Variants in GRIA2 observed in about 807,000 individuals in gnomAD.
The protein encoded by GRIA2 is glutamate ionotropic receptor AMPA type subunit 2.
GRIA2 carries 14 observed loss-of-function variants against 97.3 expected under a neutral mutation model. That is an observed-to-expected ratio of 0.14 (90% confidence interval 0.10 to 0.23). The LOEUF is 0.23. GRIA2 is among the 10% of genes least tolerant of loss of function. GRIA2 has a pLI of 1.00. For missense variants in GRIA2, 558 were observed against 1,069.8 expected, an observed-to-expected ratio of 0.52 and a Z score of 6.67; for synonymous variants, 412 against 387.8, an observed-to-expected ratio of 1.06 and a Z score of -0.73.
intron 2 of GRIA2, among the ~76,000 whole-genome samples, chr4:157,266,203 A>G (rs1483314678): frequency 6.6e-6 from 1 of 152,138 alleles, no homozygotes; most frequent in Non-Finnish European, 1.5e-5. Flanking sequence ...AGTTGTCTAG[A>G]AGGCAATCAA....
intron 11 of GRIA2, among the ~76,000 whole-genome samples, chr4:157,339,611 C>G (rs922998466): frequency 6.6e-6 from 1 of 151,820 alleles, no homozygotes; most frequent in African/African-American, 2.4e-5. Context: ...TCTAACTTTC[C>G]TTAATTTTTA....
At chr4:157,354,338 C>T (rs1322999263) in intron 12 of GRIA2, among the ~76,000 whole-genome samples, 1 of 152,116 alleles carries the variant, frequency 6.6e-6, no homozygotes, top group African/African-American at 2.4e-5. Context: ...ATTGGTACAA[C>T]ACAACTTTAT....
At chr4:157,300,410 C>CT (rs1270712103) in intron 2 of GRIA2, among the ~76,000 whole-genome samples, 4 of 151,942 alleles carry the variant, frequency 2.6e-5, no homozygotes, top group Admixed American at 6.6e-5. Flanking sequence ...AGCAAAGTAC[C>CT]TTAGTTTAGG....
intron 2 of GRIA2, among the ~76,000 whole-genome samples, chr4:157,262,489 A>T (rs1299679751): frequency 1.3e-5 from 2 of 151,898 alleles, no homozygotes; most frequent in Non-Finnish European, 2.9e-5. Context: ...CCAGTTATGA[A>T]CTCCCAACAA....
chr4:157,294,404 G>A (rs1286615670), intron 2 of GRIA2, among the ~76,000 whole-genome samples: 3 of 151,302 alleles, frequency 2.0e-5, no homozygotes, highest in African/African-American at 4.9e-5. Flanking sequence ...GAGATTGCAG[G>A]TTTTTTAGGC....
At chr4:157,320,631 T>A (rs1734518638) in intron 5 of GRIA2, among the ~76,000 whole-genome samples, 2 of 152,040 alleles carry the variant, frequency 1.3e-5, no homozygotes, top group African/African-American at 4.8e-5. Flanking sequence ...AAGAAAAGAT[T>A]CTCCTAAGTT....
intron 12 of GRIA2, among the ~76,000 whole-genome samples, chr4:157,359,682 C>T (rs940098388): frequency 2.6e-5 from 4 of 151,968 alleles, no homozygotes; most frequent in Non-Finnish European, 4.4e-5. Flanking sequence ...CATAGTAAAT[C>T]GATGTTTCAG....
intron 6 of GRIA2, among the ~76,000 whole-genome samples, 168 bp downstream of exon 6, chr4:157,321,767 TAAAGCTATTAG>T (rs1734581639): frequency 6.6e-6 from 1 of 152,214 alleles, no homozygotes; most frequent in African/African-American, 2.4e-5. Context: ...ATGGTTTAAG[TAAAGCTATTAG>T]AGCTTTACTG....
Position 157,363,542 on chromosome 4 carries a change from T to A in GRIA2, c.*111T>A. 1 of 1,237,180 alleles carries A rather than the reference T, an allele frequency of 8.1e-7. No homozygotes were observed. Among genetic ancestry groups the A allele is most frequent in the Non-Finnish European group, 1.0e-6 (1 of 989,500 alleles). 76.6% of individuals were successfully genotyped at this position (1,237,180 alleles called of 1,614,324 possible). Reference sequence around the variant, plus strand: ...CAGAATTTCCCAAAGCAGTGCATGCTGTCCCTTACGTGAGTCCTGGCATGG... The same window carrying A: ...CAGAATTTCCCAAAGCAGTGCATGCAGTCCCTTACGTGAGTCCTGGCATGG... On this transcript the variant is annotated 3_prime_UTR_variant, in exon 16 of 16. Coordinates refer to ENST00000264426, the MANE Select transcript of GRIA2 (RefSeq NM_001083619.3).
At chr4:157,220,142 C>T (rs923421414), upstream of GRIA2, 18 of 152,152 alleles carry the variant, frequency 1.2e-4, no homozygotes, top group African/African-American at 4.3e-4. Context: ...TCGGCTGGGT[C>T]AGGTGAGGAG....
At chr4:157,342,450 T>A (rs1735589323) in intron 12 of GRIA2, 1 of 984,196 alleles carries the variant, frequency 1.0e-6, no homozygotes, top group Admixed American at 6.2e-5. Flanking sequence ...ATGTGAAGAG[T>A]CCAGGACCTT....
At chr4:157,240,421 AT>A (rs998926831) in intron 2 of GRIA2, among the ~76,000 whole-genome samples, 22 of 151,956 alleles carry the variant, frequency 1.4e-4, no homozygotes, top group Non-Finnish European at 4.4e-5. Flanking sequence ...GGAGTTTCTC[AT>A]TTTTTTGTTT....
chr4:157,337,996 GTATATATATGTGTATATATATATA>G (rs1382369821), intron 11 of GRIA2, among the ~76,000 whole-genome samples: 4 of 126,084 alleles, frequency 3.2e-5, no homozygotes, highest in African/African-American at 1.2e-4. Context: ...ACATATGTGT[GTATATATATGTGTATATATATATA>G]TATATATATA....
intron 2 of GRIA2, among the ~76,000 whole-genome samples, chr4:157,235,479 G>A (rs936583442): frequency 4.0e-5 from 6 of 151,812 alleles, no homozygotes; most frequent in East Asian, 1.9e-4. Flanking sequence ...TATCCTATAC[G>A]TTGGGCCTAG....
intron 2 of GRIA2, among the ~76,000 whole-genome samples, chr4:157,302,826 T>C (rs1208086192): frequency 6.6e-6 from 1 of 152,074 alleles, no homozygotes; most frequent in Non-Finnish European, 1.5e-5. Flanking sequence ...TCACTGGAAA[T>C]AGAAATATTG....
chr4:157,298,359 T>A (rs1020145147), intron 2 of GRIA2, among the ~76,000 whole-genome samples: 1 of 152,036 alleles, frequency 6.6e-6, no homozygotes, highest in Non-Finnish European at 1.5e-5. Context: ...GAATAAAATT[T>A]AAATGGTGAT....
At chr4:157,241,115 T>A (rs1579297099) in intron 2 of GRIA2, among the ~76,000 whole-genome samples, 1 of 152,126 alleles carries the variant, frequency 6.6e-6, no homozygotes, top group Non-Finnish European at 1.5e-5. Context: ...TAAGAACGGG[T>A]ATTTTGGTGG....
intron 2 of GRIA2, among the ~76,000 whole-genome samples, chr4:157,274,050 G>C (rs1287353395): frequency 6.6e-6 from 1 of 152,056 alleles, no homozygotes; most frequent in Admixed American, 6.6e-5. Flanking sequence ...ATGTAAACAA[G>C]AGGAGAGTGG....
chr4:157,240,639 C>T (rs1424738004), intron 2 of GRIA2, among the ~76,000 whole-genome samples: 1 of 151,800 alleles, frequency 6.6e-6, no homozygotes. Flanking sequence ...TGTCTGAACC[C>T]GTCGATTTTA....
Sources: allele counts gnomAD v4.1 joint callset (sites outside exome capture counted in the v4.1 genomes callset), GRCh38; gene constraint gnomAD v4.1.1; transcripts MANE v1.5; gene names NCBI Gene and HGNC (gene_info 2026-07-23, HGNC 2026-07-21).